The following CEP152 variants were observed in gnomAD, a reference collection of about 807,000 sequenced individuals.
CEP152 encodes the protein centrosomal protein of 152 kDa.
In CEP152, 132 loss-of-function variants were observed where a neutral mutation model predicts 188.9. The ratio of observed to expected loss-of-function variants is 0.70; its 90% CI spans 0.61 to 0.81. The LOEUF (loss-of-function observed/expected upper bound fraction) is 0.81, where lower values mean the gene tolerates loss of function less well. CEP152 is among the 30% of genes least tolerant of loss of function. The probability of loss-of-function intolerance (pLI) is 0.00; values close to 1 mark genes in which losing one functional copy is unlikely to be tolerated. For missense variants in CEP152, 1,914 were observed against 1,969.8 expected (o/e 0.97, Z 0.54); for synonymous variants, 649 against 666.6 (o/e 0.97, Z 0.41).
intron 21 of CEP152, among the ~76,000 whole-genome samples, chr15:48,750,037 A>G (rs1025434843): frequency 6.6e-6 from 1 of 152,102 alleles, no homozygotes; most frequent in Non-Finnish European, 1.5e-5. Context: ...TGGTTCATAA[A>G]AAAATGAAAT....
At chr15:48,757,974 G>C (rs1894400426) in intron 19 of CEP152, among the ~76,000 whole-genome samples, 1 of 152,190 alleles carries the variant, frequency 6.6e-6, no homozygotes, top group African/African-American at 2.4e-5. Flanking sequence ...CTCATGTGAA[G>C]TTTTACAAAG....
In CEP152 at chr15:48,738,617, A is replaced by T; in HGVS notation, c.4765T>A (p.Ser1589Thr). ...CCTTGTGGCCTACCATGTACAAATG[A>T]TGCTTCACGACTGTCAAAGGATAAG... ...ATLSFDSREA[S>T]FVHGRPQGTL... Residue 1589 changes from serine to threonine, a missense_variant, in exon 27 of 27, where the codon TCA becomes ACA. Transcript: ENST00000380950. 6.2e-7 allele frequency: 1 copy of T among 1,614,184 alleles called. No individual in the cohort carries two copies. Among genetic ancestry groups the T allele is most frequent in the South Asian group, 1.1e-5 (1 of 91,088 alleles).
Position 48,788,785 on chromosome 15 carries a change from T to G in CEP152, c.1173+16A>C, listed in dbSNP as rs1896828180. 1.2e-6 allele frequency: 2 copies of G among 1,611,236 alleles called. No homozygotes were observed. Among genetic ancestry groups the G allele is most frequent in the Non-Finnish European group, 1.7e-6 (2 of 1,177,454 alleles). On this transcript the variant is annotated intron_variant, in intron 9 of 26. Coordinates refer to ENST00000380950, the MANE Select transcript of CEP152 (RefSeq NM_001194998.2). ...TTACTTGTTGATAACAGTTGCTCAT[T>G]TGAAATCATCCCAACCTGTTCTTTA...
chr15:48,786,270 C>T (rs1171626392), intron 9 of CEP152, among the ~76,000 whole-genome samples: 3 of 151,962 alleles, frequency 2.0e-5, no homozygotes, highest in Non-Finnish European at 2.9e-5. Flanking sequence ...TGGAGAGAGT[C>T]CAGGCGATAG....
intron 5 of CEP152, among the ~76,000 whole-genome samples, chr15:48,796,898 A>C (rs181895820): frequency 1.3e-4 from 20 of 152,328 alleles, no homozygotes; most frequent in Non-Finnish European, 2.8e-4. Flanking sequence ...GGTGGTGAGC[A>C]AGAAAACTGA....
chr15:48,729,705 A>C (rs1025232947), intron 2 of CEP152: 3 of 152,110 alleles, frequency 2.0e-5, no homozygotes, highest in Non-Finnish European at 4.4e-5. Flanking sequence ...AATAATCTTC[A>C]TGGTTAAGGA....
intron 22 of CEP152, 114 bp downstream of exon 22, chr15:48,748,329 T>C: frequency 7.7e-7 from 1 of 1,299,464 alleles, no homozygotes; most frequent in Non-Finnish European, 9.7e-7. Flanking sequence ...CAAATTAGTT[T>C]ATATTAATCC....
rs760540289 is a variant in CEP152 at position 48,767,315 on chromosome 15, G to A, written c.2147+20C>T. 6.2e-7 allele frequency: 1 copy of A among 1,614,132 alleles called. No individual in the cohort carries two copies. Among genetic ancestry groups the A allele is most frequent in the Non-Finnish European group, 8.5e-7 (1 of 1,180,016 alleles). On this transcript the variant is annotated intron_variant, in intron 16 of 26. Transcript: ENST00000380950. ...TGTAGTCTCTACAGCTTAAAAGGCA[G>A]CTAAACTCTTTATTCTCACCTCAGT...
In CEP152 at chr15:48,768,200, G is replaced by C. The variant is rs1458228336; in HGVS notation, c.2018+19C>G. ...AGGGTACCCAGGAGACAGTCGTCAG[G>C]CATCTATATAGACCTTACCTATCCA... is the stretch of plus-strand genomic sequence containing the variant. On this transcript the variant is annotated intron_variant, in intron 15 of 26. Transcript: ENST00000380950. The C allele has an allele frequency of 7.1e-7, 1 of 1,412,846 alleles. No homozygotes were observed. Among genetic ancestry groups the C allele is most frequent in the Non-Finnish European group, 1.0e-6 (1 of 996,692 alleles). The allele number at this position is 1,412,846 out of a possible 1,614,324, so 87.5% of individuals were successfully genotyped here.
intron 26 of CEP152, 95 bp downstream of exon 26, chr15:48,741,506 C>G: frequency 1.2e-6 from 2 of 1,605,226 alleles, no homozygotes; most frequent in Non-Finnish European, 1.7e-6. Context: ...AATTAACTCT[C>G]ACTCCTTACC....
intron 24 of CEP152, among the ~76,000 whole-genome samples, chr15:48,743,629 G>A (rs754368169): frequency 2.0e-5 from 3 of 152,174 alleles, no homozygotes; most frequent in Non-Finnish European, 2.9e-5. Flanking sequence ...TTGCGAGGCC[G>A]AAGCGGGTGG....
chr15:48,763,142 TA>T lies in CEP152; in HGVS notation c.2281-471del, dbSNP rs1473068393. On this transcript the variant is annotated intron_variant, in intron 17 of 26. Transcript: ENST00000380950. ...ATTAGAATCTTATTTGTTATAGTGTTAAATTTTACTAAGTAGACTACATTCA... is the reference window on the plus strand; with the variant it reads ...ATTAGAATCTTATTTGTTATAGTGTTAATTTTACTAAGTAGACTACATTCA... Among the ~76,000 whole-genome samples, 5 of 152,346 alleles carry T rather than the reference TA, an allele frequency of 3.3e-5. No homozygotes were observed. The East Asian group carries it at 9.6e-4, about 29-fold the overall frequency.
At chr15:48,781,169 C>T (rs1281611312) in intron 12 of CEP152, 27 bp downstream of exon 12, 16 of 1,605,356 alleles carry the variant, frequency 1.0e-5, no homozygotes, top group Admixed American at 1.7e-5. Context: ...GGTTCTTCTA[C>T]AGTAAACTAA....
intron 21 of CEP152, among the ~76,000 whole-genome samples, chr15:48,752,052 C>A (rs1893912140): frequency 6.6e-6 from 1 of 152,112 alleles, no homozygotes; most frequent in African/African-American, 2.4e-5. Flanking sequence ...CTTGGCAATT[C>A]TCTGATGTGA....
chr15:48,794,194 T>A (rs1053603620), intron 6 of CEP152, among the ~76,000 whole-genome samples: 3 of 151,726 alleles, frequency 2.0e-5, no homozygotes, highest in African/African-American at 7.2e-5. Context: ...ATACATAATT[T>A]AAAAAAAAAT....
intron 20 of CEP152, among the ~76,000 whole-genome samples, chr15:48,753,367 G>A (rs1894017577): frequency 6.6e-6 from 1 of 152,178 alleles, no homozygotes; most frequent in African/African-American, 2.4e-5. Flanking sequence ...GATTTAAGAT[G>A]ACTACTAAAT....
At chr15:48,792,338 T>C (rs1005719109) in intron 7 of CEP152, among the ~76,000 whole-genome samples, 1 of 152,192 alleles carries the variant, frequency 6.6e-6, no homozygotes, top group Non-Finnish European at 1.5e-5. Context: ...TCTTCCCACA[T>C]ACTTTGCTAT....
chr15:48,798,706 C>A (rs1456743822), intron 2 of CEP152, among the ~76,000 whole-genome samples: 1 of 152,164 alleles, frequency 6.6e-6, no homozygotes, highest in Non-Finnish European at 1.5e-5. Context: ...CTACATCTGA[C>A]ATTAAATGTT....
intron 18 of CEP152, 111 bp from the exon 19 acceptor site, chr15:48,760,377 A>T: frequency 7.6e-7 from 1 of 1,316,574 alleles, no homozygotes; most frequent in Non-Finnish European, 1.1e-6. Flanking sequence ...ATCACTACAT[A>T]ATAAAGTCAA....
Sources: allele counts gnomAD v4.1 joint callset (sites outside exome capture counted in the v4.1 genomes callset), GRCh38; gene constraint gnomAD v4.1.1; transcripts MANE v1.5; gene names NCBI Gene and HGNC (gene_info 2026-07-23, HGNC 2026-07-21).